Variants in HNRNPUL1 observed in about 807,000 individuals in gnomAD.
HNRNPUL1 encodes the protein heterogeneous nuclear ribonucleoprotein U like 1, also known as heterogeneous nuclear ribonucleoprotein U-like protein 1.
HNRNPUL1 carries 14 observed loss-of-function variants against 108.5 expected under a neutral mutation model. That is an observed-to-expected ratio of 0.13 (90% CI 0.09 to 0.20). The LOEUF is 0.20. Ranked by LOEUF, HNRNPUL1 falls within the 10% of genes least tolerant of loss-of-function variation. The pLI is 1.00. For synonymous variants in HNRNPUL1, 422 were observed against 445.2 expected (o/e 0.95, Z 0.66); for missense variants, 804 against 1,168.3 (o/e 0.69, Z 4.55).
chr19:41,276,364 C>T, intron 5 of HNRNPUL1, 66 bp downstream of exon 5: 1 of 1,516,696 alleles, frequency 6.6e-7, no homozygotes, highest in Non-Finnish European at 8.9e-7. Context: ...CTGATACCAG[C>T]CACCTTGGTC....
intron 7 of HNRNPUL1, among the ~76,000 whole-genome samples, chr19:41,284,989 C>A (rs2036135941): frequency 7.5e-6 from 1 of 133,270 alleles, no homozygotes. Context: ...GAGCAAGACT[C>A]TGTCTCAAAA....
rs539208416 is a variant in HNRNPUL1, at chr19:41,301,313, A to G, written c.1519-223A>G. On this transcript the variant is annotated intron_variant, in intron 10 of 14. Coordinates refer to ENST00000392006, the MANE Select transcript of HNRNPUL1 (RefSeq NM_007040.6). ...AAAAGCAAAGTCCCAACCATTAGGA[A>G]TCCTTTGCCCTGTGCCTGTCTGCAG... 2.0e-3 allele frequency among the ~76,000 whole-genome samples: 310 copies of G among 152,354 alleles called. 1 individual carries two copies. Among genetic ancestry groups the G allele is most frequent in the African/African-American group, 6.7e-3 (280 of 41,586 alleles).
intron 7 of HNRNPUL1, among the ~76,000 whole-genome samples, chr19:41,287,142 A>G (rs1370336678): frequency 6.6e-6 from 1 of 151,666 alleles, no homozygotes; most frequent in African/African-American, 2.4e-5. Flanking sequence ...CAGCCTCTCA[A>G]GTAGCTGGGA....
intron 13 of HNRNPUL1, among the ~76,000 whole-genome samples, chr19:41,305,261 C>T (rs890666521): frequency 1.3e-5 from 2 of 152,222 alleles, no homozygotes; most frequent in Non-Finnish European, 2.9e-5. Flanking sequence ...ACTACTGTTT[C>T]TCAGCAGATC....
At chr19:41,296,162 C>T (rs2036882994) in intron 10 of HNRNPUL1, among the ~76,000 whole-genome samples, 1 of 152,194 alleles carries the variant, frequency 6.6e-6, no homozygotes, top group African/African-American at 2.4e-5. Flanking sequence ...GTTAAATCAG[C>T]TGTGAAACTC....
chr19:41,293,838 C>CA (rs949712794), intron 8 of HNRNPUL1, among the ~76,000 whole-genome samples: 11 of 151,574 alleles, frequency 7.3e-5, no homozygotes, highest in African/African-American at 1.5e-4. Context: ...TCATTTCTAC[C>CA]AAAAAAAGAG....
At position 41,306,808 on chromosome 19, in the gene HNRNPUL1, C is replaced by T; in HGVS notation, c.*243C>T. On this transcript the variant is annotated 3_prime_UTR_variant, in exon 15 of 15. Transcript: ENST00000392006. The stretch of plus-strand genomic sequence containing the variant: ...TATTTTCTGTTTGTCCCCACCTCCC[C>T]AGCCTTCCACCTCCTGTTCTTCCTA... 1 of 351,008 alleles carries T rather than the reference C, an allele frequency of 2.8e-6. No homozygotes were observed. Among genetic ancestry groups the T allele is most frequent in the Non-Finnish European group, 5.2e-6 (1 of 193,682 alleles). 21.7% of individuals were successfully genotyped at this position (351,008 alleles called of 1,614,324 possible).
At chr19:41,302,556 C>A (rs746736940) in intron 11 of HNRNPUL1, 109 bp from the exon 12 acceptor site, 1 of 1,373,792 alleles carries the variant, frequency 7.3e-7, no homozygotes, top group East Asian at 2.3e-5. Context: ...TTCCAGTTTT[C>A]TTCACCTTCT....
At chr19:41,268,172 G>A in intron 1 of HNRNPUL1, 51 bp from the exon 2 acceptor site, 1 of 1,598,472 alleles carries the variant, frequency 6.3e-7, no homozygotes, top group African/African-American at 1.3e-5. Context: ...TTTGGTCCAG[G>A]GTTCTTCATG....
chr19:41,278,753 A>G (rs2035723944), intron 5 of HNRNPUL1, among the ~76,000 whole-genome samples: 1 of 152,174 alleles, frequency 6.6e-6, no homozygotes, highest in African/African-American at 2.4e-5. Flanking sequence ...CCAGCCATTT[A>G]CAGTTTTGAT....
intron 5 of HNRNPUL1, 50 bp from the exon 6 acceptor site, chr19:41,279,027 C>T (rs781430477): frequency 3.9e-5 from 51 of 1,309,014 alleles, no homozygotes; most frequent in Admixed American, 5.1e-5. Flanking sequence ...GGCTCATAAC[C>T]TACGGCCTCC....
Position 41,294,554 on chromosome 19 carries a change from G to T in HNRNPUL1, c.1390-4G>T, listed in dbSNP as rs779006278. On this transcript the variant is annotated splice_polypyrimidine_tract_variant and splice_region_variant and intron_variant, in intron 9 of 14. Coordinates refer to ENST00000392006, the MANE Select transcript of HNRNPUL1 (RefSeq NM_007040.6). The surrounding 1 kb of genome is among the most constrained non-coding windows in gnomAD (Gnocchi z 4.3). ...ACTCACCCCTCACCAATTCCTGCCC[G>T]CAGGTGATGGGCCTACGCCGGCAGC... 1.9e-6 allele frequency: 3 copies of T among 1,613,894 alleles called. No homozygotes were observed. The highest frequency in any genetic ancestry group is 2.7e-5 in the African/African-American group (2 of 74,908).
chr19:41,271,792 C>G (rs113056635), intron 2 of HNRNPUL1, among the ~76,000 whole-genome samples: 5 of 152,308 alleles, frequency 3.3e-5, no homozygotes, highest in Non-Finnish European at 5.9e-5. Context: ...TCCTCTCCCC[C>G]TCCCTTGCCA....
chr19:41,278,964 G>C (rs1429586320), intron 5 of HNRNPUL1, 113 bp from the exon 6 acceptor site: 2 of 777,332 alleles, frequency 2.6e-6, no homozygotes, highest in Non-Finnish European at 4.4e-6. Context: ...TTCTTCTCCA[G>C]CAAGAAAAGC....
chr19:41,279,717 G>A (rs551681606), intron 6 of HNRNPUL1, among the ~76,000 whole-genome samples: 4 of 152,234 alleles, frequency 2.6e-5, no homozygotes, highest in African/African-American at 4.8e-5. Flanking sequence ...CCTGCCTTCC[G>A]TTTATGATCA....
chr19:41,277,970 C>G (rs577486512), intron 5 of HNRNPUL1, among the ~76,000 whole-genome samples: 206 of 144,396 alleles, frequency 1.4e-3, no homozygotes, highest in African/African-American at 5.1e-3. Flanking sequence ...TTTTTTTTAA[C>G]TTAATACTGT....
In HNRNPUL1 at chr19:41,292,033, C is replaced by A; in HGVS notation, c.1000-212C>A. On this transcript the variant is annotated intron_variant, in intron 7 of 14. Transcript: ENST00000392006. The surrounding 1 kb of genome is among the most constrained non-coding windows in gnomAD (Gnocchi z 4.1). Reference sequence around the variant, plus strand: ...TCTTGCTTACTTGCTTCATATCCACCAACTTTGGGGTCTTAGGCAAGGAGG... The same window carrying A: ...TCTTGCTTACTTGCTTCATATCCACAAACTTTGGGGTCTTAGGCAAGGAGG... The A allele has an allele frequency of 1.8e-6, 1 of 570,482 alleles. No individual in the cohort carries two copies. The highest frequency in any genetic ancestry group is 2.3e-5 in the South Asian group (1 of 43,760). 35.3% of individuals were successfully genotyped at this position (570,482 alleles called of 1,614,324 possible). A position where few individuals can be genotyped will look rare whatever the true frequency, so the allele number is the denominator to read the frequency against.
At chr19:41,265,104 G>C (rs2034737652) in intron 1 of HNRNPUL1, 2 of 1,417,656 alleles carry the variant, frequency 1.4e-6, no homozygotes, top group African/African-American at 1.5e-5. Flanking sequence ...GAGCCGAAGA[G>C]AGTCGGAAGA....
intron 1 of HNRNPUL1, among the ~76,000 whole-genome samples, chr19:41,267,066 C>G (rs573556496): frequency 6.6e-6 from 1 of 152,164 alleles, no homozygotes; most frequent in Non-Finnish European, 1.5e-5. Context: ...AGACAGACTT[C>G]GTTTCAAATC....
Sources: allele counts gnomAD v4.1 joint callset (sites outside exome capture counted in the v4.1 genomes callset), GRCh38; gene constraint gnomAD v4.1.1; non-coding constraint Gnocchi (gnomAD v3.1); transcripts MANE v1.5; gene names NCBI Gene and HGNC (gene_info 2026-07-23, HGNC 2026-07-21).